NRG3: variants seen among roughly 807,000 people sequenced by gnomAD.
The protein encoded by NRG3 is neuregulin 3, also known as pro-neuregulin-3, membrane-bound isoform.
In NRG3, 31 loss-of-function variants were observed where a neutral mutation model predicts 66.9. That is an observed-to-expected ratio of 0.46 (90% CI 0.35 to 0.63). The LOEUF is 0.63. Among genes scored for constraint, NRG3 ranks in the 20% least tolerant of loss-of-function variants. The pLI is 0.00. For synonymous variants in NRG3, 393 were observed against 359.4 expected, an observed-to-expected ratio of 1.09 and a Z score of -1.06; for missense variants, 910 against 878.9, an observed-to-expected ratio of 1.04 and a Z score of -0.45.
rs906612528 is a variant in NRG3, at chr10:82,579,285, A to T, written c.954-159292A>T. On this transcript the variant is annotated intron_variant, in intron 2 of 8. Transcript: ENST00000372141. ...AACACCCAGTTTAAGTTAACATATC[A>T]TAAATAAAGATAATCACCTTAAATA... is the stretch of plus-strand genomic sequence containing the variant. 7.2e-5 allele frequency among the ~76,000 whole-genome samples: 11 copies of T among 151,882 alleles called. 1 individual carries two copies.
chr10:82,049,936 G>A (rs7900172), intron 1 of NRG3, among the ~76,000 whole-genome samples: 2,702 of 152,078 alleles, frequency 0.018, 86 homozygotes, highest in African/African-American at 0.062. Flanking sequence ...TGCCTATAGT[G>A]TTGAATTTGC....
chr10:82,410,128 A>G (rs1052104777), intron 2 of NRG3, among the ~76,000 whole-genome samples: 3 of 152,074 alleles, frequency 2.0e-5, no homozygotes, highest in African/African-American at 4.8e-5. Flanking sequence ...ACTCCTTGTA[A>G]AAAGAGAATT....
chr10:82,319,690 T>C (rs2081466989), intron 1 of NRG3, among the ~76,000 whole-genome samples: 1 of 152,298 alleles, frequency 6.6e-6, no homozygotes, highest in Non-Finnish European at 1.5e-5. Flanking sequence ...AGGCAGTCTT[T>C]CTAATGAATC....
intron 1 of NRG3, among the ~76,000 whole-genome samples, chr10:82,336,760 C>T (rs946987438): frequency 1.3e-5 from 2 of 152,178 alleles, no homozygotes; most frequent in African/African-American, 4.8e-5. Flanking sequence ...ATCTTTCATA[C>T]TCAAAATATT....
At chr10:82,210,922 T>TA (rs34245469) in intron 1 of NRG3, among the ~76,000 whole-genome samples, 32,344 of 131,952 alleles carry the variant, frequency 0.25, 3,927 homozygotes, top group African/African-American at 0.35. Context: ...TGGAACTTGG[T>TA]AAAAAAAAAA....
chr10:82,030,670 T>C (rs1377666019), intron 1 of NRG3, among the ~76,000 whole-genome samples: 1 of 150,594 alleles, frequency 6.6e-6, no homozygotes, highest in African/African-American at 2.5e-5. Context: ...TTTGGAATTA[T>C]GCACTTCCCA....
chr10:82,634,021 G>A (rs1477402731), intron 2 of NRG3, among the ~76,000 whole-genome samples: 1 of 152,160 alleles, frequency 6.6e-6, no homozygotes, highest in Non-Finnish European at 1.5e-5. Context: ...TCAGTGATCA[G>A]AACTTGGGCA....
intron 1 of NRG3, among the ~76,000 whole-genome samples, chr10:82,021,769 G>A (rs2062069105): frequency 6.7e-6 from 1 of 148,674 alleles, no homozygotes. Flanking sequence ...ACTCTAATAA[G>A]CTTTTGGGCA....
At chr10:82,373,740 T>A (rs2085040827) in intron 2 of NRG3, among the ~76,000 whole-genome samples, 1 of 152,208 alleles carries the variant, frequency 6.6e-6, no homozygotes, top group African/African-American at 2.4e-5. Flanking sequence ...TCTCCTGTGC[T>A]AATTTATAGT....
chr10:82,963,079 T>C (rs192857832), intron 6 of NRG3, among the ~76,000 whole-genome samples: 19 of 152,278 alleles, frequency 1.2e-4, no homozygotes, highest in Admixed American at 1.2e-3. Context: ...ATATCTTTAT[T>C]ATATAGATAC....
intron 2 of NRG3, among the ~76,000 whole-genome samples, chr10:82,729,495 G>A (rs1291059613): frequency 6.6e-6 from 1 of 152,114 alleles, no homozygotes; most frequent in African/African-American, 2.4e-5. Context: ...GACAGAATGG[G>A]TGATTCCTCC....
At chr10:82,020,404 G>T (rs923420086) in intron 1 of NRG3, among the ~76,000 whole-genome samples, 6 of 152,034 alleles carry the variant, frequency 3.9e-5, no homozygotes, top group Non-Finnish European at 5.9e-5. Context: ...AACTGTCCTA[G>T]GTTCCGGAAA....
intron 1 of NRG3, among the ~76,000 whole-genome samples, chr10:82,344,057 TTTTC>T (rs1448099501): frequency 1.8e-4 from 27 of 146,424 alleles, no homozygotes; most frequent in African/African-American, 6.8e-4. Flanking sequence ...ACTGCTTTTT[TTTTC>T]TTTCTTTTTT....
At chr10:82,152,887 CCTTTT>C (rs1192173130) in intron 1 of NRG3, among the ~76,000 whole-genome samples, 1 of 129,956 alleles carries the variant, frequency 7.7e-6, no homozygotes, top group East Asian at 2.2e-4. Flanking sequence ...TCTTTTTCTT[CCTTTT>C]CTTTCTTCTT....
Position 81,963,125 on chromosome 10 carries a change from C to CTTTTTTT in NRG3, c.823+86982_823+86988dup, listed in dbSNP as rs777026850. Among the ~76,000 whole-genome samples the CTTTTTTT allele has an allele frequency of 2.9e-3, 202 of 70,102 alleles. 33 individuals are homozygous for CTTTTTTT. Among genetic ancestry groups the CTTTTTTT allele is most frequent in the African/African-American group, 0.012 (188 of 15,642 alleles). 46.0% of individuals were successfully genotyped at this position (70,102 alleles called of 152,430 possible). On this transcript the variant is annotated intron_variant, in intron 1 of 8. Transcript: ENST00000372141. ...GAAAATATGATCTGCCACGAGGGCT[C>CTTTTTTT]TTTTTTTTTTTTTTTTTTTTTTTTT... is the stretch of plus-strand genomic sequence containing the variant.
chr10:82,848,297 C>T (rs74635403), intron 3 of NRG3, among the ~76,000 whole-genome samples: 1,869 of 152,240 alleles, frequency 0.012, 35 homozygotes, highest in African/African-American at 0.038. Context: ...ATCAAGGTAA[C>T]CCAGATGTGA....
chr10:82,856,040 T>A (rs950464104), intron 3 of NRG3, among the ~76,000 whole-genome samples: 1 of 152,146 alleles, frequency 6.6e-6, no homozygotes, highest in Non-Finnish European at 1.5e-5. Context: ...TTGGGGGAGT[T>A]TTCTGGAAAC....
chr10:82,114,437 G>T lies in NRG3; in HGVS notation c.823+238274G>T, dbSNP rs554312220. Among the ~76,000 whole-genome samples the T allele has an allele frequency of 4.6e-5, 7 of 152,266 alleles. No homozygotes were observed. In the South Asian group the frequency reaches 1.4e-3, roughly 32 times the overall value. On this transcript the variant is annotated intron_variant, in intron 1 of 8. Coordinates refer to ENST00000372141, the MANE Select transcript of NRG3 (RefSeq NM_001010848.4). Reference sequence around the variant, plus strand: ...TGCTAAAAAATTCAAATTATTTTCAGAGATTACTACCTCTGTGAGTCTCAG... The same window carrying T: ...TGCTAAAAAATTCAAATTATTTTCATAGATTACTACCTCTGTGAGTCTCAG...
chr10:82,684,914 C>T (rs192231009), intron 2 of NRG3, among the ~76,000 whole-genome samples: 3 of 152,180 alleles, frequency 2.0e-5, no homozygotes, highest in South Asian at 2.1e-4. Flanking sequence ...TTCTGAAGAA[C>T]CTTTAGTGCC....
Sources: gnomAD v4.1 joint callset for allele counts (sites outside exome capture counted in the v4.1 genomes callset) on GRCh38, gnomAD v4.1.1 for gene constraint, MANE v1.5 for transcripts, NCBI Gene and HGNC (gene_info 2026-07-23, HGNC 2026-07-21) for gene names.